The following SYNJ2 variants were observed in gnomAD, a reference collection of about 807,000 sequenced individuals.
The protein encoded by SYNJ2 is synaptojanin 2.
A neutral mutation model predicts 141.3 loss-of-function variants in SYNJ2; 116 were observed. The observed-to-expected ratio is 0.82, with a 90% confidence interval of 0.71 to 0.96. The LOEUF is 0.96. SYNJ2 is among the 40% of genes least tolerant of loss of function. The probability of loss-of-function intolerance (pLI) is 0.00; values close to 1 mark genes in which losing one functional copy is unlikely to be tolerated. For synonymous variants in SYNJ2, 745 were observed against 777.7 expected (o/e 0.96, Z 0.70); for missense variants, 1,873 against 1,934.8 (o/e 0.97, Z 0.60).
rs1413412826 is a variant in SYNJ2 at position 158,068,023 on chromosome 6, A to T, written c.1718-624A>T. On this transcript the variant is annotated intron_variant, in intron 12 of 26. Coordinates refer to ENST00000355585, the MANE Select transcript of SYNJ2 (RefSeq NM_003898.4). ...TTTGCAGGGGATTTTTTTGGGGTAG[A>T]CACTAGCAGGCTCCCCAGCAGTCCC... 19 of 980,672 alleles carry T rather than the reference A, an allele frequency of 1.9e-5. No individual in the cohort carries two copies. In the East Asian group the frequency reaches 5.7e-4, roughly 29 times the overall value. 60.7% of individuals were successfully genotyped at this position (980,672 alleles called of 1,614,324 possible).
chr6:158,081,278 A>G lies in SYNJ2; in HGVS notation c.2737A>G (p.Thr913Ala), dbSNP rs779912525. The G allele has an allele frequency of 1.2e-6, 2 of 1,614,162 alleles. No individual in the cohort carries two copies. The highest frequency in any genetic ancestry group is 1.1e-5 in the South Asian group (1 of 91,082). ...AAACGAGTTTCCAGAGGACCTGCGT[A>G]CTGAGCTCATGCAGACCTTGGGGAG... is the stretch of plus-strand genomic sequence containing the variant. The part of the protein sequence containing the change: ...EKNEFPEDLR[T>A]ELMQTLGSYG... The change falls in exon 19 of 27, where the codon ACT becomes GCT. Residue 913 changes from threonine to alanine, a missense_variant. By Grantham distance (58) the Thr-to-Ala change is moderately conservative. Transcript: ENST00000355585.
intron 5 of SYNJ2, among the ~76,000 whole-genome samples, chr6:158,051,911 G>A (rs376623298): frequency 1.3e-5 from 2 of 151,574 alleles, no homozygotes; most frequent in Admixed American, 1.3e-4. Flanking sequence ...AGCCGTGATT[G>A]CACCTCTGCA....
intron 3 of SYNJ2, 21 bp downstream of exon 3, chr6:158,029,047 C>G: frequency 4.3e-6 from 7 of 1,611,188 alleles, no homozygotes; most frequent in Non-Finnish European, 5.9e-6. Flanking sequence ...GGGTCCCCTG[C>G]AGAGGGTGGG....
At chr6:157,996,250 A>G (rs1035977144) in intron 1 of SYNJ2, among the ~76,000 whole-genome samples, 2 of 151,580 alleles carry the variant, frequency 1.3e-5, no homozygotes, top group Admixed American at 6.6e-5. Context: ...GCCTCATCCA[A>G]CCTACCAGCC....
At chr6:157,995,341 C>A (rs1777598885) in intron 1 of SYNJ2, among the ~76,000 whole-genome samples, 1 of 152,144 alleles carries the variant, frequency 6.6e-6, no homozygotes, top group African/African-American at 2.4e-5. Context: ...GGAACAAAGA[C>A]TTGAGGGGTG....
rs542038970 is a variant in SYNJ2 at position 158,023,265 on chromosome 6, A to T, written c.215-5491A>T. 4.3e-4 allele frequency among the ~76,000 whole-genome samples: 45 copies of T among 105,390 alleles called. No individual in the cohort carries two copies. In the East Asian group the frequency reaches 0.01, roughly 25 times the overall value. 69.1% of individuals were successfully genotyped at this position (105,390 alleles called of 152,430 possible). A position where few individuals can be genotyped will look rare whatever the true frequency, so the allele number is the denominator to read the frequency against. On this transcript the variant is annotated intron_variant, in intron 2 of 26. Coordinates refer to ENST00000355585, the MANE Select transcript of SYNJ2 (RefSeq NM_003898.4). ...AGTGCAAGAACCTGTCTCTAAATTT[A>T]AAAAAAAAAAAAAAAGCAAACAAAC... is the stretch of plus-strand genomic sequence containing the variant.
intron 25 of SYNJ2, among the ~76,000 whole-genome samples, chr6:158,090,943 G>A (rs1431145782): frequency 2.0e-5 from 3 of 152,106 alleles, no homozygotes; most frequent in Admixed American, 6.6e-5. Flanking sequence ...ATATTTAAGG[G>A]GGCATGAGTT....
Position 158,068,747 on chromosome 6 carries a change from G to C in SYNJ2, c.1799+19G>C, listed in dbSNP as rs780636157. On this transcript the variant is annotated intron_variant, in intron 13 of 26. Transcript: ENST00000355585. ...ATGCCAGGTAAGGGGCCAGGTGTGCGGGGCCAGGCAGGGACTTCCTGAGTC... is the reference window on the plus strand; with the variant it reads ...ATGCCAGGTAAGGGGCCAGGTGTGCCGGGCCAGGCAGGGACTTCCTGAGTC... 1.2e-6 allele frequency: 2 copies of C among 1,613,598 alleles called. No individual in the cohort carries two copies. The highest frequency in any genetic ancestry group is 1.7e-6 in the Non-Finnish European group (2 of 1,179,788).
rs761984788 is a variant in SYNJ2, at chr6:158,062,086, A to G, written c.1049A>G (p.Glu350Gly). 6.8e-6 allele frequency: 11 copies of G among 1,614,182 alleles called. No homozygotes were observed. The Admixed American group carries it at 1.8e-4, about 27-fold the overall frequency. Residue 350 changes from glutamate (E) to glycine (G), a missense_variant, in exon 8 of 27, where the codon GAG becomes GGG. Transcript: ENST00000355585. ...FAKGGKLEKL[E>G]TLLRPQLKLH... ...AAAGGTGGGAAGCTAGAGAAATTGG[A>G]GACCCTCTTGAGGCCACAGTTAAAG... is the stretch of plus-strand genomic sequence containing the variant.
At chr6:158,086,337 A>G (rs948136090) in intron 22 of SYNJ2, among the ~76,000 whole-genome samples, 1 of 151,974 alleles carries the variant, frequency 6.6e-6, no homozygotes, top group African/African-American at 2.4e-5. Flanking sequence ...AAGATGGCAG[A>G]CCCTTGGGAG....
Position 157,982,019 on chromosome 6 carries a change from A to G in SYNJ2, c.58A>G (p.Ser20Gly), listed in dbSNP as rs1174817435. 1 of 1,328,636 alleles carries G rather than the reference A, an allele frequency of 7.5e-7. No individual in the cohort carries two copies. Among genetic ancestry groups the G allele is most frequent in the Non-Finnish European group, 9.6e-7 (1 of 1,042,946 alleles). 82.3% of individuals were successfully genotyped at this position (1,328,636 alleles called of 1,614,324 possible). A position where few individuals can be genotyped will look rare whatever the true frequency, so the allele number is the denominator to read the frequency against. The change falls in exon 1 of 27, where the codon AGC (serine) becomes GGC (glycine). Residue 20 changes from serine to glycine, a missense_variant. Transcript: ENST00000355585. This position sits in a 1 kb window ranked among gnomAD's most constrained non-coding sequence, Gnocchi z 4.0. Reference protein sequence around the residue: ...LGRLGAEGDCSVLLEARGRDD... With the variant: ...LGRLGAEGDCGVLLEARGRDD... ...GCGCCTGGGGGCCGAGGGGGACTGT[A>G]GCGTGCTGCTGGAGGCGCGCGGCCG...
Position 158,054,981 on chromosome 6 carries a change from T to C in SYNJ2, c.810T>C (p.His270=). 2 of 1,614,080 alleles carry C rather than the reference T, an allele frequency of 1.2e-6. No individual in the cohort carries two copies. Among genetic ancestry groups the C allele is most frequent in the East Asian group, 4.5e-5 (2 of 44,884 alleles). Residue 270 remains histidine, a synonymous_variant, in exon 6 of 27, where the codon CAT becomes CAC. Transcript: ENST00000355585. ...EQPGLQVGSH[H]LRLHRGLEAN... ...CTTTGCTTTAGGTTGGCTCCCATCATCTGAGACTCCACAGAGGCCTGGAAG... is the reference window on the plus strand; with the variant it reads ...CTTTGCTTTAGGTTGGCTCCCATCACCTGAGACTCCACAGAGGCCTGGAAG...
chr6:158,059,551 C>CT, intron 7 of SYNJ2, 198 bp downstream of exon 7: 1 of 1,305,076 alleles, frequency 7.7e-7, no homozygotes, highest in Non-Finnish European at 9.7e-7. Flanking sequence ...AGTGTAATTT[C>CT]TTTTCTTTTT....
intron 1 of SYNJ2, among the ~76,000 whole-genome samples, chr6:157,999,597 A>G (rs1224284764): frequency 6.6e-6 from 1 of 152,206 alleles, no homozygotes; most frequent in Non-Finnish European, 1.5e-5. Flanking sequence ...GGTGGGGCTC[A>G]GGTGCTAGAG....
intron 5 of SYNJ2, among the ~76,000 whole-genome samples, chr6:158,048,366 G>A (rs1288440052): frequency 6.6e-6 from 1 of 152,188 alleles, no homozygotes; most frequent in African/African-American, 2.4e-5. Context: ...GGTTCACAGT[G>A]ATCAGGGAGC....
rs772625052 is a variant in SYNJ2 at position 158,089,952 on chromosome 6, G to A, written c.3565+5G>A. ...GTCTCCTGGAAGCCAGAGGAGGTAG[G>A]TGCTTTCCTGGGGGCAGGGGAAAAA... is the stretch of plus-strand genomic sequence containing the variant. On this transcript the variant is annotated splice_donor_5th_base_variant and intron_variant, in intron 25 of 26. Transcript: ENST00000355585. The A allele has an allele frequency of 1.9e-6, 3 of 1,607,298 alleles. No homozygotes were observed. The South Asian group carries it at 3.3e-5, about 18-fold the overall frequency.
At chr6:158,032,563 G>A (rs555882221) in intron 3 of SYNJ2, among the ~76,000 whole-genome samples, 19 of 152,314 alleles carry the variant, frequency 1.2e-4, no homozygotes, top group African/African-American at 3.6e-4. Flanking sequence ...ACATGGAAAC[G>A]TAGGGCCTCA....
At chr6:157,996,309 C>T (rs1379197761) in intron 1 of SYNJ2, among the ~76,000 whole-genome samples, 1 of 152,170 alleles carries the variant, frequency 6.6e-6, no homozygotes, top group Non-Finnish European at 1.5e-5. Flanking sequence ...CCGAGTCCCC[C>T]GGTCATCGCT....
At chr6:157,992,634 G>T (rs9459058) in intron 1 of SYNJ2, among the ~76,000 whole-genome samples, 8 of 151,652 alleles carry the variant, frequency 5.3e-5, no homozygotes, top group Non-Finnish European at 1.0e-4. Context: ...CTGACCTCTG[G>T]TGATCCACCC....
Sources: allele counts gnomAD v4.1 joint callset (sites outside exome capture counted in the v4.1 genomes callset), GRCh38; gene constraint gnomAD v4.1.1; non-coding constraint Gnocchi (gnomAD v3.1); transcripts MANE v1.5; gene names NCBI Gene and HGNC (gene_info 2026-07-23, HGNC 2026-07-21).